Variants in VTI1A observed in about 807,000 individuals in gnomAD.
The protein encoded by VTI1A is vesicle transport through interaction with t-SNAREs 1A.
Under a neutral mutation model 34.9 loss-of-function variants are expected in VTI1A, and 22 were observed. The ratio of observed to expected loss-of-function variants is 0.63; its 90% CI spans 0.45 to 0.90. VTI1A has a LOEUF of 0.90. Ranked by LOEUF, VTI1A falls within the 40% of genes least tolerant of loss-of-function variation. VTI1A has a pLI of 0.00. For synonymous variants in VTI1A, 87 were observed against 97.3 expected (o/e 0.89, Z 0.62); for missense variants, 268 against 275.6 (o/e 0.97, Z 0.20).
chr10:112,838,761 C>T, the VTI1A span, among the ~76,000 whole-genome samples: 1,121 of 152,296 alleles, frequency 7.4e-3, 11 homozygotes, highest in Non-Finnish European at 0.01. Flanking sequence ...TCTGGCGCCA[C>T]GGAAGTGCAC....
At chr10:112,468,629 C>T (rs1377520175) in intron 3 of VTI1A, among the ~76,000 whole-genome samples, 1 of 150,722 alleles carries the variant, frequency 6.6e-6, no homozygotes, top group Non-Finnish European at 1.5e-5. Context: ...GTTCCTTCTC[C>T]TCTGCCTACC....
the VTI1A span, chr10:112,824,197 G>A: frequency 6.6e-6 from 1 of 152,238 alleles, no homozygotes; most frequent in African/African-American, 2.4e-5. Context: ...ACAGAGCCAG[G>A]GGGCCTCCTC....
intron 5 of VTI1A, among the ~76,000 whole-genome samples, chr10:112,634,652 G>A (rs570222386): frequency 6.6e-6 from 1 of 151,978 alleles, no homozygotes; most frequent in East Asian, 1.9e-4. Flanking sequence ...AGGTGGTTTG[G>A]CAAGCTGTTT....
At chr10:112,547,014 C>T (rs1013969064) in intron 5 of VTI1A, among the ~76,000 whole-genome samples, 91 of 152,280 alleles carry the variant, frequency 6.0e-4, no homozygotes, top group African/African-American at 1.9e-3. Flanking sequence ...GCAGCAGTGG[C>T]TTACGCTTAT....
At chr10:112,485,302 AAAAAG>A (rs1355142668) in intron 3 of VTI1A, 2 of 152,170 alleles carry the variant, frequency 1.3e-5, no homozygotes, top group African/African-American at 4.8e-5. Context: ...GAAAAAAAGA[AAAAAG>A]AAAAGAATGA....
intron 7 of VTI1A, among the ~76,000 whole-genome samples, chr10:112,792,011 C>T (rs1852497235): frequency 1.3e-5 from 2 of 152,158 alleles, no homozygotes; most frequent in East Asian, 1.9e-4. Flanking sequence ...CACGATGGCT[C>T]ACGCCTGTAA....
chr10:112,475,925 A>G (rs1490639036), intron 3 of VTI1A, among the ~76,000 whole-genome samples: 6 of 152,202 alleles, frequency 3.9e-5, no homozygotes, highest in Admixed American at 6.5e-5. Context: ...GGCTGAAGAC[A>G]CTGTGTTGAA....
chr10:112,481,701 G>A (rs974952565), intron 3 of VTI1A, among the ~76,000 whole-genome samples: 4 of 152,204 alleles, frequency 2.6e-5, no homozygotes, highest in Non-Finnish European at 4.4e-5. Flanking sequence ...AAAGAAGTAA[G>A]GATGTGATGG....
chr10:112,744,399 T>C (rs1282295479), intron 7 of VTI1A, among the ~76,000 whole-genome samples: 2 of 151,930 alleles, frequency 1.3e-5, no homozygotes, highest in African/African-American at 4.8e-5. Flanking sequence ...CCCCAGATTC[T>C]GCCGGAAGTG....
intron 5 of VTI1A, among the ~76,000 whole-genome samples, chr10:112,655,217 A>G (rs1046210419): frequency 3.3e-5 from 5 of 152,160 alleles, no homozygotes; most frequent in African/African-American, 1.2e-4. Flanking sequence ...TGGCCCTTTC[A>G]TTTATCAATT....
At chr10:112,564,176 C>G (rs537458064) in intron 5 of VTI1A, among the ~76,000 whole-genome samples, 1 of 149,494 alleles carries the variant, frequency 6.7e-6, no homozygotes, top group Non-Finnish European at 1.5e-5. Context: ...ATAAATGCAA[C>G]CACAACTTGC....
In VTI1A at chr10:112,725,495, C is replaced by T. The variant is rs550822477; in HGVS notation, c.560+56497C>T. On this transcript the variant is annotated intron_variant, in intron 7 of 7. Transcript: ENST00000393077. ...ATTGATCAGTGGGTTCAGGTGTGGT[C>T]AGCCTTTCATCCATTATGAAGTTCT... 8.3e-4 allele frequency among the ~76,000 whole-genome samples: 127 copies of T among 152,310 alleles called. 1 individual carries two copies. The highest frequency in any genetic ancestry group is 4.3e-4 in the Non-Finnish European group (29 of 68,018).
intron 5 of VTI1A, among the ~76,000 whole-genome samples, chr10:112,578,375 G>A (rs1843787350): frequency 6.6e-6 from 1 of 152,134 alleles, no homozygotes. Flanking sequence ...CACGGTTTCT[G>A]GTTGAGTAAA....
At chr10:112,829,101 A>G in the VTI1A span, among the ~76,000 whole-genome samples, 1 of 152,154 alleles carries the variant, frequency 6.6e-6, no homozygotes. Flanking sequence ...TCCAGCATAC[A>G]GTATCCTGAA....
intron 7 of VTI1A, among the ~76,000 whole-genome samples, chr10:112,706,697 T>A (rs1240393087): frequency 2.6e-5 from 4 of 152,210 alleles, no homozygotes; most frequent in Non-Finnish European, 4.4e-5. Context: ...GAACCATAAC[T>A]GCTTTCGACT....
At chr10:112,609,680 T>G (rs1845218083) in intron 5 of VTI1A, among the ~76,000 whole-genome samples, 4 of 152,246 alleles carry the variant, frequency 2.6e-5, no homozygotes, top group Admixed American at 2.0e-4. Flanking sequence ...ATCATAAAAT[T>G]ATTTTAAGCA....
intron 3 of VTI1A, among the ~76,000 whole-genome samples, chr10:112,505,649 T>G (rs779194863): frequency 6.6e-6 from 1 of 152,120 alleles, no homozygotes; most frequent in African/African-American, 2.4e-5. Context: ...TGGTGCTTAC[T>G]TCTTGCCTTC....
intron 7 of VTI1A, among the ~76,000 whole-genome samples, chr10:112,812,072 G>A (rs1213134): frequency 0.23 from 34,780 of 152,100 alleles, 5,096 homozygotes; most frequent in African/African-American, 0.41. Flanking sequence ...TTGATGTTTC[G>A]GGCCCACATT....
At chr10:112,637,520 G>A (rs564559955) in intron 5 of VTI1A, among the ~76,000 whole-genome samples, 12 of 152,246 alleles carry the variant, frequency 7.9e-5, no homozygotes, top group Admixed American at 1.3e-4. Flanking sequence ...TTAGCTGGGC[G>A]TGGTGGCACA....
Sources: gnomAD v4.1 joint callset for allele counts (sites outside exome capture counted in the v4.1 genomes callset) on GRCh38, gnomAD v4.1.1 for gene constraint, MANE v1.5 for transcripts, NCBI Gene and HGNC (gene_info 2026-07-23, HGNC 2026-07-21) for gene names.